EBF2: variants seen among roughly 807,000 people sequenced by gnomAD.
The protein encoded by EBF2 is EBF transcription factor 2, also known as transcription factor COE2.
In EBF2, 21 loss-of-function variants were observed where a neutral mutation model predicts 72.8. That is an observed-to-expected ratio of 0.29 (90% CI 0.20 to 0.42). The LOEUF (loss-of-function observed/expected upper bound fraction) is 0.42, where lower values mean the gene tolerates loss of function less well. Ranked by LOEUF, EBF2 falls within the 10% of genes least tolerant of loss-of-function variation. The probability of loss-of-function intolerance (pLI) is 1.00; values close to 1 mark genes in which losing one functional copy is unlikely to be tolerated. For synonymous variants in EBF2, 299 were observed against 274.2 expected (o/e 1.09, Z -0.89); for missense variants, 637 against 731.2 (o/e 0.87, Z 1.49).
Position 26,042,085 on chromosome 8 carries a change from T to G in EBF2, c.288+10A>C. 1.2e-6 allele frequency: 2 copies of G among 1,612,804 alleles called. No individual in the cohort carries two copies. ...TAGGCCGCGGGGTTTGGGGGGTACTTTCCGCTTACTTTGTCATTCTCCACA... is the reference window on the plus strand; with the variant it reads ...TAGGCCGCGGGGTTTGGGGGGTACTGTCCGCTTACTTTGTCATTCTCCACA... On this transcript the variant is annotated intron_variant, in intron 2 of 15. Transcript: ENST00000520164.
intron 6 of EBF2, among the ~76,000 whole-genome samples, chr8:25,976,983 TGTAA>T (rs1804278684): frequency 6.6e-6 from 1 of 152,226 alleles, no homozygotes; most frequent in East Asian, 1.9e-4. Flanking sequence ...TTTACCCAGC[TGTAA>T]GTGATTCCAG....
intron 6 of EBF2, among the ~76,000 whole-genome samples, chr8:25,912,102 G>A (rs1169347534): frequency 6.6e-6 from 1 of 152,176 alleles, no homozygotes; most frequent in Non-Finnish European, 1.5e-5. Flanking sequence ...GGGAAACACA[G>A]TTTGCTGAGT....
chr8:25,926,513 A>G (rs543289691), intron 6 of EBF2, among the ~76,000 whole-genome samples: 12 of 152,146 alleles, frequency 7.9e-5, no homozygotes, highest in Non-Finnish European at 1.8e-4. Flanking sequence ...TTATACTTCG[A>G]CAATGTGGAT....
chr8:25,850,879 TTA>T, intron 14 of EBF2, 118 bp from the exon 15 acceptor site: 3 of 1,206,148 alleles, frequency 2.5e-6, no homozygotes, highest in African/African-American at 3.4e-5. Flanking sequence ...ATTGCAGGGA[TTA>T]AAAAAAAAAA....
intron 10 of EBF2, among the ~76,000 whole-genome samples, chr8:25,880,410 A>G (rs1040119927): frequency 6.6e-6 from 1 of 152,208 alleles, no homozygotes; most frequent in Admixed American, 6.5e-5. Context: ...AGTTTAGTTT[A>G]TATGCTATGA....
At chr8:25,935,375 T>C (rs1803560321) in intron 6 of EBF2, among the ~76,000 whole-genome samples, 1 of 152,178 alleles carries the variant, frequency 6.6e-6, no homozygotes, top group Admixed American at 6.5e-5. Flanking sequence ...GAGAATTCCC[T>C]GTTTACACTG....
Position 25,922,435 on chromosome 8 carries a change from G to A in EBF2, c.552-13880C>T, listed in dbSNP as rs534889386. 2.3e-4 allele frequency among the ~76,000 whole-genome samples: 35 copies of A among 152,178 alleles called. 2 individuals are homozygous for A. The South Asian group carries it at 6.6e-3, about 29-fold the overall frequency. ...GTAGAAATGTGTTTCTACACAGTAC[G>A]TTTACTTAAGATCATATAATAAGGA... is the stretch of plus-strand genomic sequence containing the variant. On this transcript the variant is annotated intron_variant, in intron 6 of 15. Transcript: ENST00000520164.
chr8:25,926,651 A>G (rs1361077385), intron 6 of EBF2, among the ~76,000 whole-genome samples: 1 of 152,114 alleles, frequency 6.6e-6, no homozygotes, highest in Non-Finnish European at 1.5e-5. Flanking sequence ...CATATGTTCC[A>G]CTTTGTCAAA....
rs182594962 is a variant in EBF2 at position 26,020,343 on chromosome 8, A to G, written c.551+12742T>C. Among the ~76,000 whole-genome samples the G allele has an allele frequency of 4.1e-3, 624 of 152,308 alleles. 4 individuals carry two copies. The highest frequency in any genetic ancestry group is 0.012 in the African/African-American group (479 of 41,562). On this transcript the variant is annotated intron_variant, in intron 6 of 15. Coordinates refer to ENST00000520164, the MANE Select transcript of EBF2 (RefSeq NM_022659.4). ...GTCTCATTATGGGCTCACTGATCCA[A>G]TACAATTTACAAGCTCAATGGACGC...
intron 6 of EBF2, among the ~76,000 whole-genome samples, chr8:26,020,660 A>G (rs1044809076): frequency 6.6e-6 from 1 of 152,314 alleles, no homozygotes; most frequent in East Asian, 1.9e-4. Context: ...ATGGTGGTGG[A>G]TTAAAGACAA....
chr8:26,040,884 C>T (rs760100293), intron 3 of EBF2, 55 bp downstream of exon 3: 25 of 1,608,954 alleles, frequency 1.6e-5, no homozygotes, highest in Non-Finnish European at 2.1e-5. Context: ...TCAGCGCGTG[C>T]GGCCCGGAAG....
intron 14 of EBF2, 195 bp downstream of exon 14, chr8:25,858,124 G>C (rs775148771): frequency 9.6e-6 from 7 of 727,710 alleles, no homozygotes; most frequent in Non-Finnish European, 1.7e-5. Flanking sequence ...TCCCCAAAAG[G>C]CCTTGAGTAA....
In EBF2 at chr8:25,844,565, C is replaced by G. The variant is rs147809203; in HGVS notation, c.*44G>C. On this transcript the variant is annotated 3_prime_UTR_variant, in exon 16 of 16. Transcript: ENST00000520164. ...TCCTAGTGCTTTCTTCATTATTGGTCCATCAGAGTAAGTAGTTTTGTGCTA... is the reference window on the plus strand; with the variant it reads ...TCCTAGTGCTTTCTTCATTATTGGTGCATCAGAGTAAGTAGTTTTGTGCTA... 65 of 1,610,158 alleles carry G rather than the reference C, an allele frequency of 4.0e-5. No individual in the cohort carries two copies. The African/African-American group carries it at 6.5e-4, about 16-fold the overall frequency.
intron 6 of EBF2, among the ~76,000 whole-genome samples, chr8:26,012,943 A>G (rs1805050463): frequency 6.6e-6 from 1 of 152,224 alleles, no homozygotes; most frequent in Non-Finnish European, 1.5e-5. Flanking sequence ...AAGGATAAAC[A>G]AAGATAAAAA....
intron 6 of EBF2, among the ~76,000 whole-genome samples, chr8:25,979,812 G>GT (rs1248057109): frequency 1.3e-5 from 2 of 151,994 alleles, no homozygotes; most frequent in Non-Finnish European, 2.9e-5. Flanking sequence ...TGAAATCCCA[G>GT]TACAGATAAA....
intron 6 of EBF2, among the ~76,000 whole-genome samples, chr8:25,943,311 C>CAAA (rs71551840): frequency 7.1e-3 from 407 of 57,114 alleles, no homozygotes; most frequent in Non-Finnish European, 8.2e-3. Flanking sequence ...TGTCTCTACA[C>CAAA]AAAAAAAAAA....
intron 14 of EBF2, among the ~76,000 whole-genome samples, chr8:25,852,385 G>GACTT (rs951109405): frequency 6.6e-6 from 1 of 152,092 alleles, no homozygotes; most frequent in Non-Finnish European, 1.5e-5. Flanking sequence ...GAAAAGCTGG[G>GACTT]ACTTAGGAGG....
At chr8:26,039,908 C>G (rs1364496989) in intron 5 of EBF2, 120 bp downstream of exon 5, 11 of 998,718 alleles carry the variant, frequency 1.1e-5, no homozygotes, top group Non-Finnish European at 1.6e-5. Context: ...CGTCTGCCCG[C>G]GAGGCCTCCC....
intron 6 of EBF2, among the ~76,000 whole-genome samples, chr8:25,945,088 G>GCCCCCCCCCACC (rs11461828): frequency 2.4e-5 from 3 of 127,378 alleles, no homozygotes; most frequent in African/African-American, 8.9e-5. Context: ...TTGTTCTGTT[G>GCCCCCCCCCACC]CCCCCCCCGC....
Sources: allele counts gnomAD v4.1 joint callset (sites outside exome capture counted in the v4.1 genomes callset), GRCh38; gene constraint gnomAD v4.1.1; transcripts MANE v1.5; gene names NCBI Gene and HGNC (gene_info 2026-07-23, HGNC 2026-07-21).